The following TENM4 variants were observed in gnomAD, a reference collection of about 807,000 sequenced individuals.
TENM4 encodes the protein teneurin-4.
TENM4 carries 82 observed loss-of-function variants against 243.3 expected under a neutral mutation model. The ratio of observed to expected loss-of-function variants is 0.34; its 90% CI spans 0.28 to 0.40. TENM4 has a LOEUF of 0.40. Ranked by LOEUF, TENM4 falls within the 10% of genes least tolerant of loss-of-function variation. The probability of loss-of-function intolerance (pLI) is 1.00; values close to 1 mark genes in which losing one functional copy is unlikely to be tolerated. For synonymous variants in TENM4, 1,412 were observed against 1,456.3 expected, an observed-to-expected ratio of 0.97 and a Z score of 0.69; for missense variants, 3,138 against 3,673.3, an observed-to-expected ratio of 0.85 and a Z score of 3.77.
intron 22 of TENM4, among the ~76,000 whole-genome samples, chr11:78,727,596 A>C (rs562871424): frequency 3.3e-5 from 5 of 152,266 alleles, no homozygotes; most frequent in African/African-American, 1.2e-4. Flanking sequence ...TTTACAGTGA[A>C]TATATAGAAA....
rs570157446 is a variant in TENM4, at chr11:79,119,325, A to G, written c.-66+29385T>C. Among the ~76,000 whole-genome samples the G allele has an allele frequency of 4.0e-5, 6 of 151,370 alleles. No individual in the cohort carries two copies. The East Asian group carries it at 1.2e-3, about 29-fold the overall frequency. Reference sequence around the variant, plus strand: ...AACAAATGTCTGGGTATTTCTGGTGAGCATCTAGGTTTGATAATCATTATT... The same window carrying G: ...AACAAATGTCTGGGTATTTCTGGTGGGCATCTAGGTTTGATAATCATTATT... On this transcript the variant is annotated intron_variant, in intron 4 of 33. Coordinates refer to ENST00000278550, the MANE Select transcript of TENM4 (RefSeq NM_001098816.3).
chr11:79,001,340 C>T (rs552462788), intron 6 of TENM4, among the ~76,000 whole-genome samples: 57 of 152,108 alleles, frequency 3.7e-4, no homozygotes, highest in South Asian at 1.5e-3. Context: ...GGGCTGAAGG[C>T]GGGGGGAAGC....
intron 14 of TENM4, among the ~76,000 whole-genome samples, chr11:78,808,405 T>G (rs1857433849): frequency 6.6e-6 from 1 of 152,236 alleles, no homozygotes; most frequent in Non-Finnish European, 1.5e-5. Flanking sequence ...ATTTTGCTAT[T>G]AAGCATTTCA....
At chr11:79,345,857 G>A (rs1029973307) in intron 1 of TENM4, among the ~76,000 whole-genome samples, 10 of 152,178 alleles carry the variant, frequency 6.6e-5, no homozygotes, top group Non-Finnish European at 1.5e-4. Context: ...GGACTTCCAA[G>A]TGAACAGTTT....
intron 6 of TENM4, among the ~76,000 whole-genome samples, chr11:79,025,795 T>C (rs1859064218): frequency 1.3e-5 from 2 of 152,128 alleles, no homozygotes; most frequent in African/African-American, 4.8e-5. Context: ...CTCTGCTGAA[T>C]GGAGGCTAAT....
intron 3 of TENM4, among the ~76,000 whole-genome samples, chr11:79,213,385 A>T (rs920627505): frequency 6.6e-6 from 1 of 152,162 alleles, no homozygotes; most frequent in Non-Finnish European, 1.5e-5. Context: ...CTTGTGTTCT[A>T]ATAGAAGAAG....
chr11:78,952,059 T>C (rs976810585), intron 6 of TENM4, among the ~76,000 whole-genome samples: 1 of 152,106 alleles, frequency 6.6e-6, no homozygotes, highest in African/African-American at 2.4e-5. Context: ...CAGGGCAAAC[T>C]GTTTAGTGTG....
chr11:79,210,043 G>A (rs115518246), intron 3 of TENM4, among the ~76,000 whole-genome samples: 156 of 152,286 alleles, frequency 1.0e-3, no homozygotes, highest in African/African-American at 3.5e-3. Context: ...TTACTTAACA[G>A]ACATAATTGG....
At chr11:78,982,760 C>T (rs1319655213) in intron 6 of TENM4, among the ~76,000 whole-genome samples, 1 of 152,232 alleles carries the variant, frequency 6.6e-6, no homozygotes, top group South Asian at 2.1e-4. Flanking sequence ...TTTCCTGATG[C>T]CCAGCTGAGA....
intron 6 of TENM4, among the ~76,000 whole-genome samples, chr11:78,964,124 C>T (rs966220136): frequency 2.7e-5 from 4 of 148,800 alleles, no homozygotes; most frequent in South Asian, 2.1e-4. Context: ...CTCACTGCGT[C>T]GTCTGCCTTC....
At chr11:78,801,723 A>G (rs1345472960) in intron 15 of TENM4, among the ~76,000 whole-genome samples, 1 of 152,150 alleles carries the variant, frequency 6.6e-6, no homozygotes, top group African/African-American at 2.4e-5. Context: ...GCAGGGGCCC[A>G]TCTCTACCAA....
intron 19 of TENM4, among the ~76,000 whole-genome samples, chr11:78,739,582 T>C (rs1620669): frequency 0.68 from 102,586 of 151,900 alleles, 35,319 homozygotes; most frequent in Non-Finnish European, 0.74. Context: ...AACATGGTGG[T>C]TGAGCAAATA....
At chr11:78,952,957 G>A (rs1422994338) in intron 6 of TENM4, among the ~76,000 whole-genome samples, 1 of 152,186 alleles carries the variant, frequency 6.6e-6, no homozygotes, top group Non-Finnish European at 1.5e-5. Flanking sequence ...TTCTGGAAGT[G>A]CAAATATAGG....
intron 3 of TENM4, among the ~76,000 whole-genome samples, chr11:79,203,965 A>G (rs1357047957): frequency 6.6e-6 from 1 of 152,268 alleles, no homozygotes; most frequent in Non-Finnish European, 1.5e-5. Context: ...GAAAGAAGCC[A>G]GCCACAAAAA....
chr11:79,002,005 T>C (rs191192645), intron 6 of TENM4, among the ~76,000 whole-genome samples: 155 of 152,240 alleles, frequency 1.0e-3, no homozygotes, highest in African/African-American at 3.4e-3. Context: ...TTCTGGTGCA[T>C]CCAGGGTGCA....
chr11:79,201,623 T>C (rs890549857), intron 3 of TENM4, among the ~76,000 whole-genome samples: 1 of 152,100 alleles, frequency 6.6e-6, no homozygotes, highest in African/African-American at 2.4e-5. Flanking sequence ...TCAACCAGAA[T>C]TCCTGCCCTT....
intron 2 of TENM4, among the ~76,000 whole-genome samples, chr11:79,242,217 A>AT (rs145435012): frequency 0.023 from 3,520 of 152,224 alleles, 126 homozygotes; most frequent in East Asian, 0.12. Flanking sequence ...CGTTTATTTA[A>AT]TTTTTTCTCT....
chr11:78,664,167 C>T (rs1858095309), intron 32 of TENM4, among the ~76,000 whole-genome samples: 2 of 152,326 alleles, frequency 1.3e-5, no homozygotes, highest in South Asian at 4.1e-4. Context: ...TGGTTTTAAC[C>T]ATACTTCTAT....
chr11:79,097,646 C>G (rs1376016086), intron 4 of TENM4: 1 of 152,032 alleles, frequency 6.6e-6, no homozygotes, highest in Non-Finnish European at 1.5e-5. Flanking sequence ...TAGAAAAAGT[C>G]AAGACCATTT....
Sources: allele counts gnomAD v4.1 joint callset (sites outside exome capture counted in the v4.1 genomes callset), GRCh38; gene constraint gnomAD v4.1.1; transcripts MANE v1.5; gene names NCBI Gene and HGNC (gene_info 2026-07-23, HGNC 2026-07-21).